Variants in RBFOX1 observed in about 807,000 individuals in gnomAD.
RBFOX1 encodes RNA binding protein fox-1 homolog 1.
In RBFOX1, 8 loss-of-function variants were observed where a neutral mutation model predicts 57.7. That is an observed-to-expected ratio of 0.14 (90% CI 0.08 to 0.25). The LOEUF is 0.25. Among genes scored for constraint, RBFOX1 ranks in the 10% least tolerant of loss-of-function variants. RBFOX1 has a pLI of 1.00. For missense variants in RBFOX1, 611 were observed against 548.5 expected (o/e 1.11, Z -1.14); for synonymous variants, 326 against 222.4 (o/e 1.47, Z -4.15).
At chr16:7,696,326 G>A (rs2078783185) in intron 14 of RBFOX1, among the ~76,000 whole-genome samples, 2 of 152,108 alleles carry the variant, frequency 1.3e-5, no homozygotes, top group African/African-American at 4.8e-5. Flanking sequence ...CAACTGAGTA[G>A]GTCCTCATTC....
At chr16:7,517,177 G>GTGTGTA (rs1295370627) in intron 4 of RBFOX1, among the ~76,000 whole-genome samples, 1 of 150,314 alleles carries the variant, frequency 6.7e-6, no homozygotes, top group Admixed American at 6.7e-5. Flanking sequence ...GTGTGTGTGT[G>GTGTGTA]TGTGTGTGTG....
intron 4 of RBFOX1, among the ~76,000 whole-genome samples, chr16:7,514,877 A>C (rs2076009215): frequency 6.6e-6 from 1 of 152,192 alleles, no homozygotes; most frequent in African/African-American, 2.4e-5. Flanking sequence ...CACTGATGAA[A>C]AGCCCCAGGG....
intron 3 of RBFOX1, among the ~76,000 whole-genome samples, chr16:6,760,843 G>T (rs978219907): frequency 2.6e-5 from 4 of 152,126 alleles, no homozygotes; most frequent in African/African-American, 9.7e-5. Flanking sequence ...TGTGGCCCCA[G>T]GGAGTGGCGC....
intron 3 of RBFOX1, among the ~76,000 whole-genome samples, chr16:6,886,023 A>G (rs998982531): frequency 6.6e-6 from 1 of 151,894 alleles, no homozygotes. Flanking sequence ...GATTTCATGC[A>G]TCAAGGATAC....
intron 14 of RBFOX1, among the ~76,000 whole-genome samples, chr16:7,681,205 C>T (rs924324937): frequency 6.6e-6 from 1 of 152,022 alleles, no homozygotes; most frequent in Non-Finnish European, 1.5e-5. Context: ...TACATCCATG[C>T]TTACACATAC....
intron 3 of RBFOX1, among the ~76,000 whole-genome samples, chr16:7,022,640 A>G (rs1454406044): frequency 6.6e-6 from 1 of 152,138 alleles, no homozygotes; most frequent in East Asian, 1.9e-4. Flanking sequence ...CTCTGGATAT[A>G]TTAGGCCCAT....
At chr16:6,468,232 A>T (rs2095094887) in intron 2 of RBFOX1, among the ~76,000 whole-genome samples, 1 of 152,142 alleles carries the variant, frequency 6.6e-6, no homozygotes, top group South Asian at 2.1e-4. Context: ...TCTCTTTGTT[A>T]TGAAGGGCCC....
At chr16:7,282,172 G>A (rs890017931) in intron 4 of RBFOX1, among the ~76,000 whole-genome samples, 3 of 152,104 alleles carry the variant, frequency 2.0e-5, no homozygotes, top group African/African-American at 4.8e-5. Context: ...CGACTAAAGC[G>A]ATGTCTGAAA....
chr16:7,460,622 C>G lies in RBFOX1; in HGVS notation c.28-57525C>G, dbSNP rs371965534. Among the ~76,000 whole-genome samples, 20 of 150,862 alleles carry G rather than the reference C, an allele frequency of 1.3e-4. No individual in the cohort carries two copies. The South Asian group carries it at 4.0e-3, about 30-fold the overall frequency. ...AGAAAAAATAACTATGGGTACTAGG[C>G]TTAATATCTGAGTGATGAAATAATC... On this transcript the variant is annotated intron_variant, in intron 4 of 15. Transcript: ENST00000550418.
chr16:7,664,201 A>C (rs1214690310), intron 12 of RBFOX1, among the ~76,000 whole-genome samples: 1 of 152,270 alleles, frequency 6.6e-6, no homozygotes, highest in Non-Finnish European at 1.5e-5. Flanking sequence ...TATACACTAT[A>C]GACAAATACA....
chr16:7,197,286 G>A (rs1166788750), intron 4 of RBFOX1, among the ~76,000 whole-genome samples: 1 of 152,106 alleles, frequency 6.6e-6, no homozygotes, highest in Non-Finnish European at 1.5e-5. Context: ...ATTGCTTCAT[G>A]TCGTGGTTGA....
rs570615480 is a variant in RBFOX1, at chr16:6,631,418, T to C, written c.-63-23185T>C. ...TTTATTATGAAACATATTTTTTTTT[T>C]TGTAAGGGAAAGTTCCCAGTGACAG... On this transcript the variant is annotated intron_variant, in intron 2 of 15. Transcript: ENST00000550418. Among the ~76,000 whole-genome samples the C allele has an allele frequency of 1.4e-4, 22 of 152,256 alleles. No individual in the cohort carries two copies. In the East Asian group the frequency reaches 4.2e-3, roughly 29 times the overall value.
At chr16:7,496,831 A>G (rs963670729) in intron 4 of RBFOX1, among the ~76,000 whole-genome samples, 3 of 151,994 alleles carry the variant, frequency 2.0e-5, no homozygotes, top group African/African-American at 7.3e-5. Context: ...CTAGAATCCT[A>G]TTTAAATACA....
intron 3 of RBFOX1, among the ~76,000 whole-genome samples, chr16:6,958,894 C>T (rs887186925): frequency 1.3e-5 from 2 of 151,924 alleles, no homozygotes; most frequent in East Asian, 1.9e-4. Context: ...AGAAATGATA[C>T]AGGTAAAATT....
intron 5 of RBFOX1, among the ~76,000 whole-genome samples, chr16:7,539,024 A>G (rs2082224756): frequency 6.6e-6 from 1 of 152,134 alleles, no homozygotes; most frequent in Non-Finnish European, 1.5e-5. Context: ...TAGAAGCTGC[A>G]TATCTGATAA....
intron 2 of RBFOX1, among the ~76,000 whole-genome samples, chr16:5,572,944 G>T (rs571829903): frequency 6.6e-6 from 1 of 152,118 alleles, no homozygotes; most frequent in Non-Finnish European, 1.5e-5. Flanking sequence ...GAGGGAGACT[G>T]GGGGGTGATT....
chr16:5,541,105 C>G (rs556946293), intron 2 of RBFOX1, among the ~76,000 whole-genome samples: 13 of 152,102 alleles, frequency 8.5e-5, no homozygotes, highest in Non-Finnish European at 1.8e-4. Context: ...CTGCCTGGGC[C>G]TCCCAAAGTG....
intron 2 of RBFOX1, among the ~76,000 whole-genome samples, chr16:6,317,377 C>T (rs2081241964): frequency 6.6e-6 from 1 of 151,772 alleles, no homozygotes; most frequent in Non-Finnish European, 1.5e-5. Flanking sequence ...GTTTTCTTAT[C>T]AGGAGACATT....
chr16:6,591,498 C>A (rs1487545613), intron 2 of RBFOX1, among the ~76,000 whole-genome samples: 1 of 152,168 alleles, frequency 6.6e-6, no homozygotes, highest in African/African-American at 2.4e-5. Flanking sequence ...GCATATTATA[C>A]AGAGCCCTTT....
Sources: allele counts gnomAD v4.1 joint callset (sites outside exome capture counted in the v4.1 genomes callset), GRCh38; gene constraint gnomAD v4.1.1; transcripts MANE v1.5; gene names NCBI Gene and HGNC (gene_info 2026-07-23, HGNC 2026-07-21).